Variants in ASTN2 observed in about 807,000 individuals in gnomAD.
ASTN2 encodes astrotactin-2.
A neutral mutation model predicts 139.8 loss-of-function variants in ASTN2; 54 were observed. The ratio of observed to expected loss-of-function variants is 0.39; its 90% CI spans 0.31 to 0.48. The LOEUF is 0.48. Among genes scored for constraint, ASTN2 ranks in the 20% least tolerant of loss-of-function variants. The pLI is 0.95. For synonymous variants in ASTN2, 756 were observed against 719.5 expected, an observed-to-expected ratio of 1.05 and a Z score of -0.81; for missense variants, 1,565 against 1,725.1, an observed-to-expected ratio of 0.91 and a Z score of 1.64.
chr9:116,825,177 A>G (rs1169848385), intron 11 of ASTN2, among the ~76,000 whole-genome samples: 1 of 152,202 alleles, frequency 6.6e-6, no homozygotes, highest in Non-Finnish European at 1.5e-5. Context: ...TATGAGGACT[A>G]AAGTCAGGCC....
intron 17 of ASTN2, among the ~76,000 whole-genome samples, chr9:116,638,403 C>A (rs2131885227): frequency 6.6e-6 from 1 of 152,154 alleles, no homozygotes; most frequent in South Asian, 2.1e-4. Context: ...AGGAGAGAGG[C>A]AACAACTAGG....
At chr9:117,008,765 G>C (rs1837431294) in intron 6 of ASTN2, among the ~76,000 whole-genome samples, 1 of 152,188 alleles carries the variant, frequency 6.6e-6, no homozygotes, top group African/African-American at 2.4e-5. Flanking sequence ...TCTGGAACAG[G>C]GGTCATTGAT....
chr9:116,875,481 A>G (rs1193971642), intron 10 of ASTN2, among the ~76,000 whole-genome samples: 1 of 152,224 alleles, frequency 6.6e-6, no homozygotes, highest in Non-Finnish European at 1.5e-5. Context: ...ATAAAAGTGC[A>G]AGGAGAAGCA....
chr9:117,118,010 C>T (rs1829443275), intron 4 of ASTN2, among the ~76,000 whole-genome samples: 1 of 152,124 alleles, frequency 6.6e-6, no homozygotes, highest in Non-Finnish European at 1.5e-5. Context: ...GACCTCTTCA[C>T]AAACCCAACG....
At chr9:116,587,454 T>C (rs1854205049) in intron 19 of ASTN2, among the ~76,000 whole-genome samples, 1 of 152,000 alleles carries the variant, frequency 6.6e-6, no homozygotes, top group Admixed American at 6.6e-5. Context: ...GATCTTGGTA[T>C]GGACTCAGGG....
intron 5 of ASTN2, among the ~76,000 whole-genome samples, chr9:117,050,437 A>G (rs948486932): frequency 2.0e-5 from 3 of 152,064 alleles, no homozygotes; most frequent in Non-Finnish European, 4.4e-5. Context: ...TGAATACACA[A>G]CCAACGTTAT....
chr9:117,076,817 A>G (rs1386224279), intron 5 of ASTN2, among the ~76,000 whole-genome samples: 1 of 152,132 alleles, frequency 6.6e-6, no homozygotes, highest in African/African-American at 2.4e-5. Context: ...CCATAAAGAG[A>G]TAACAACTCT....
intron 6 of ASTN2, among the ~76,000 whole-genome samples, chr9:117,038,861 C>T (rs1367774052): frequency 6.6e-6 from 1 of 152,156 alleles, no homozygotes; most frequent in Non-Finnish European, 1.5e-5. Flanking sequence ...TTGGACCATG[C>T]TTTGCTAATG....
intron 17 of ASTN2, among the ~76,000 whole-genome samples, chr9:116,647,684 C>A (rs1021115559): frequency 2.6e-5 from 4 of 152,172 alleles, no homozygotes; most frequent in Admixed American, 1.3e-4. Flanking sequence ...CCCAGAAAGG[C>A]CGTCACTGGA....
intron 5 of ASTN2, among the ~76,000 whole-genome samples, chr9:117,047,380 A>T (rs1439448048): frequency 2.6e-5 from 4 of 152,046 alleles, no homozygotes; most frequent in Admixed American, 6.6e-5. Flanking sequence ...CTTTGTCATG[A>T]ACTAATCTCT....
At chr9:117,363,248 C>T (rs1474771250) in intron 1 of ASTN2, among the ~76,000 whole-genome samples, 1 of 152,156 alleles carries the variant, frequency 6.6e-6, no homozygotes, top group African/African-American at 2.4e-5. Context: ...ATCTGTTAAT[C>T]ACCTACTTAT....
chr9:117,239,655 A>C (rs2133070741), intron 2 of ASTN2, among the ~76,000 whole-genome samples: 1 of 152,322 alleles, frequency 6.6e-6, no homozygotes, highest in East Asian at 1.9e-4. Flanking sequence ...GCCTAGGAGA[A>C]CCATTTCCAT....
At chr9:116,578,424 C>T (rs57243279) in intron 19 of ASTN2, among the ~76,000 whole-genome samples, 24,580 of 152,006 alleles carry the variant, frequency 0.16, 2,178 homozygotes, top group African/African-American at 0.22. Context: ...ATATCTACCA[C>T]GGGCTACACC....
At chr9:116,707,482 T>C (rs1188137501) in intron 16 of ASTN2, among the ~76,000 whole-genome samples, 1 of 151,886 alleles carries the variant, frequency 6.6e-6, no homozygotes, top group Non-Finnish European at 1.5e-5. Context: ...ATCTTACACA[T>C]ATGAGCAGGA....
intron 13 of ASTN2, among the ~76,000 whole-genome samples, chr9:116,801,702 G>A (rs965032538): frequency 2.6e-5 from 4 of 152,074 alleles, no homozygotes; most frequent in Admixed American, 1.3e-4. Flanking sequence ...ACAGTGGGGA[G>A]GCAACTGACT....
At chr9:116,667,479 C>A (rs376377484) in intron 16 of ASTN2, among the ~76,000 whole-genome samples, 1 of 152,146 alleles carries the variant, frequency 6.6e-6, no homozygotes, top group Non-Finnish European at 1.5e-5. Flanking sequence ...AGATAAGCAA[C>A]AGCTGAAGCA....
intron 6 of ASTN2, among the ~76,000 whole-genome samples, chr9:117,026,461 G>C (rs909669345): frequency 3.3e-5 from 5 of 152,104 alleles, no homozygotes; most frequent in African/African-American, 1.2e-4. Flanking sequence ...ATTGATGTCT[G>C]GGGTCATCAA....
At chr9:116,468,940 C>T (rs1403895462) in intron 20 of ASTN2, among the ~76,000 whole-genome samples, 1 of 152,138 alleles carries the variant, frequency 6.6e-6, no homozygotes, top group East Asian at 1.9e-4. Context: ...GTTTCCTTTT[C>T]TTGGTATCTG....
chr9:116,661,352 A>C (rs1858546967), intron 16 of ASTN2, among the ~76,000 whole-genome samples: 1 of 152,174 alleles, frequency 6.6e-6, no homozygotes, highest in African/African-American at 2.4e-5. Flanking sequence ...CCACTGAGGG[A>C]AGCCAGGGAA....
Sources: gnomAD v4.1 joint callset for allele counts (sites outside exome capture counted in the v4.1 genomes callset) on GRCh38, gnomAD v4.1.1 for gene constraint, MANE v1.5 for transcripts, NCBI Gene and HGNC (gene_info 2026-07-23, HGNC 2026-07-21) for gene names.